The following POLR3C variants were observed in gnomAD, a reference collection of about 807,000 sequenced individuals.
POLR3C encodes RNA polymerase III subunit C, also known as DNA-directed RNA polymerase III subunit RPC3.
In POLR3C, 44 loss-of-function variants were observed where a neutral mutation model predicts 65.9. The ratio of observed to expected loss-of-function variants is 0.67; its 90% CI spans 0.52 to 0.86. The LOEUF is 0.86. POLR3C is among the 40% of genes least tolerant of loss of function. POLR3C has a pLI of 0.00. For missense variants in POLR3C, 576 were observed against 653.2 expected, an observed-to-expected ratio of 0.88 and a Z score of 1.29; for synonymous variants, 263 against 231.6, an observed-to-expected ratio of 1.14 and a Z score of -1.23.
intron 1 of POLR3C, 97 bp from the exon 2 acceptor site, chr1:145,825,660 A>G: frequency 1.6e-6 from 1 of 644,426 alleles, no homozygotes; most frequent in Non-Finnish European, 2.5e-6. Context: ...TGTATTGTCA[A>G]ATTGCCCTCC....
At chr1:145,827,787 G>A (rs1336687645) in intron 4 of POLR3C, among the ~76,000 whole-genome samples, 15 of 150,986 alleles carry the variant, frequency 9.9e-5, no homozygotes, top group Non-Finnish European at 2.1e-4. Flanking sequence ...AAATAGCCAG[G>A]TATGGTGGCA....
chr1:145,836,639 C>T (rs1651872569), intron 8 of POLR3C, 65 bp downstream of exon 8: 1 of 1,049,506 alleles, frequency 9.5e-7, no homozygotes, highest in Admixed American at 1.7e-5. Context: ...TATTTCTGCA[C>T]TGATACCTAG....
chr1:145,830,805 A>AT (rs1241460763), intron 5 of POLR3C, among the ~76,000 whole-genome samples: 20 of 151,554 alleles, frequency 1.3e-4, no homozygotes, highest in Non-Finnish European at 2.8e-4. Context: ...TCTCAAAAAA[A>AT]AAAAAGAAAT....
rs1553727704 is a variant in POLR3C at position 145,833,330 on chromosome 1, C to A, written c.749C>A (p.Ala250Asp). The A allele has an allele frequency of 6.2e-7, 1 of 1,613,308 alleles. No homozygotes were observed. Among genetic ancestry groups the A allele is most frequent in the South Asian group, 1.1e-5 (1 of 91,018 alleles). Residue 250 changes from alanine (A) to aspartate (D), a missense_variant, in exon 6 of 15, where the codon GCC becomes GAC. Transcript: ENST00000334163. ...TTCCACCAACACTTCCGTGACCAAG[C>A]CATTGTGAGCGCAGTTGCTAACAGG... ...DRFHQHFRDQ[A>D]IVSAVANRMD...
At chr1:145,825,053 A>G (rs1472686847) in intron 1 of POLR3C, among the ~76,000 whole-genome samples, 2 of 151,844 alleles carry the variant, frequency 1.3e-5, no homozygotes, top group Non-Finnish European at 2.9e-5. Flanking sequence ...CAATAATTGA[A>G]TTTTTATATT....
chr1:145,836,409 T>G, intron 7 of POLR3C, 85 bp from the exon 8 acceptor site: 1 of 816,300 alleles, frequency 1.2e-6, no homozygotes, highest in Non-Finnish European at 2.1e-6. Context: ...CCTTAGCCAC[T>G]GTGCCCGGCC....
At position 145,824,350 on chromosome 1, in the gene POLR3C, C is replaced by G. The variant is rs1650512881; in HGVS notation, c.-40C>G. 2 of 317,824 alleles carry G rather than the reference C, an allele frequency of 6.3e-6. No homozygotes were observed. Among genetic ancestry groups the G allele is most frequent in the Non-Finnish European group, 1.2e-5 (2 of 160,686 alleles). 19.7% of individuals were successfully genotyped at this position (317,824 alleles called of 1,614,324 possible). ...TCAGCCGAATTGGAGTTGGAGCCCC[C>G]GGATTGCGCTGACCCTGAGGTTAGT... On this transcript the variant is annotated 5_prime_UTR_variant, in exon 1 of 15. Transcript: ENST00000334163.
chr1:145,834,322 A>C (rs1553727975), intron 7 of POLR3C, among the ~76,000 whole-genome samples: 2 of 152,124 alleles, frequency 1.3e-5, no homozygotes, highest in East Asian at 3.8e-4. Context: ...TGAATGGCAG[A>C]TTAATGTGAA....
chr1:145,833,445 G>C, intron 6 of POLR3C, 45 bp from the exon 7 acceptor site: 1 of 1,542,604 alleles, frequency 6.5e-7, no homozygotes, highest in South Asian at 1.1e-5. Context: ...CATAGAGCCA[G>C]GGGCAGCACT....
intron 11 of POLR3C, among the ~76,000 whole-genome samples, chr1:145,839,047 G>A (rs186308479): frequency 6.6e-6 from 1 of 152,208 alleles, no homozygotes; most frequent in African/African-American, 2.4e-5. Flanking sequence ...TAGGCGGACG[G>A]ATCACTTGAG....
Position 145,825,744 on chromosome 1 carries a change from GT to G in POLR3C, c.-20-7del, listed in dbSNP as rs782741604. 6.3e-7 allele frequency: 1 copy of G among 1,588,780 alleles called. No individual in the cohort carries two copies. ...AGACTTTCTATTGTACCATTTTGGT[GT>G]TTTTTCCCTAGCTCTCAGACTCCCC... On this transcript the variant is annotated splice_polypyrimidine_tract_variant and intron_variant, in intron 1 of 14. Coordinates refer to ENST00000334163, the MANE Select transcript of POLR3C (RefSeq NM_006468.8).
intron 9 of POLR3C, 45 bp from the exon 10 acceptor site, chr1:145,837,491 A>G (rs373421203): frequency 1.7e-4 from 169 of 1,018,774 alleles, no homozygotes; most frequent in Non-Finnish European, 2.2e-4. Flanking sequence ...GATCACAATA[A>G]CTAGGCCAAA....
intron 4 of POLR3C, 30 bp downstream of exon 4, chr1:145,827,035 C>T (rs1650817252): frequency 6.6e-7 from 1 of 1,514,448 alleles, no homozygotes; most frequent in Non-Finnish European, 9.1e-7. Flanking sequence ...GGAACTGTGA[C>T]TTGCCTTAAT....
At chr1:145,831,881 A>T in intron 5 of POLR3C, among the ~76,000 whole-genome samples, 1 of 152,222 alleles carries the variant, frequency 6.6e-6, no homozygotes, top group Middle Eastern at 3.4e-3. Context: ...CTCTACAGAA[A>T]AATACAAAAA....
chr1:145,843,155 A>G lies in POLR3C; in HGVS notation c.*735A>G, dbSNP rs1553731119. Among the ~76,000 whole-genome samples, 5 of 152,184 alleles carry G rather than the reference A, an allele frequency of 3.3e-5. No homozygotes were observed. The highest frequency in any genetic ancestry group is 2.9e-5 in the Non-Finnish European group (2 of 68,044). ...GATTGTCCCAAGCAGTCACACTAGAATCTGTGGACTGAAGCCACATTTGCC... is the reference window on the plus strand; with the variant it reads ...GATTGTCCCAAGCAGTCACACTAGAGTCTGTGGACTGAAGCCACATTTGCC... On this transcript the variant is annotated 3_prime_UTR_variant, in exon 15 of 15. Transcript: ENST00000334163.
Position 145,838,985 on chromosome 1 carries a change from T to C in POLR3C, c.1221+779T>C, listed in dbSNP as rs868985601. 1.6e-4 allele frequency among the ~76,000 whole-genome samples: 24 copies of C among 152,162 alleles called. No homozygotes were observed. The Middle Eastern group carries it at 0.01, about 65-fold the overall frequency. On this transcript the variant is annotated intron_variant, in intron 11 of 14. Transcript: ENST00000334163. Reference sequence around the variant, plus strand: ...ATGGATGGTGATAATAAAAATAATATGGTTGCCAGGTGCGGTGGCTCATGC... The same window carrying C: ...ATGGATGGTGATAATAAAAATAATACGGTTGCCAGGTGCGGTGGCTCATGC...
chr1:145,834,040 G>A (rs1651574189), intron 7 of POLR3C, among the ~76,000 whole-genome samples: 1 of 152,162 alleles, frequency 6.6e-6, no homozygotes, highest in Non-Finnish European at 1.5e-5. Flanking sequence ...ATCATAGGGT[G>A]TACTTAACAC....
chr1:145,836,754 C>A, intron 8 of POLR3C, 61 bp from the exon 9 acceptor site: 1 of 1,127,848 alleles, frequency 8.9e-7, no homozygotes, highest in Non-Finnish European at 1.4e-6. Flanking sequence ...CAGATTTGTT[C>A]CATTGGAAAC....
intron 4 of POLR3C, among the ~76,000 whole-genome samples, chr1:145,828,246 A>G (rs1158965053): frequency 6.6e-6 from 1 of 152,212 alleles, no homozygotes; most frequent in African/African-American, 2.4e-5. Context: ...CTTGGATGGG[A>G]GACAGGCAGG....
Sources: gnomAD v4.1 joint callset for allele counts (sites outside exome capture counted in the v4.1 genomes callset) on GRCh38, gnomAD v4.1.1 for gene constraint, MANE v1.5 for transcripts, NCBI Gene and HGNC (gene_info 2026-07-23, HGNC 2026-07-21) for gene names.